Variants in NR6A1 observed in about 807,000 individuals in gnomAD.
NR6A1 encodes the protein retinoic acid receptor-related testis-associated receptor.
NR6A1 carries 7 observed loss-of-function variants against 59.1 expected under a neutral mutation model. That is an observed-to-expected ratio of 0.12 (90% CI 0.07 to 0.22). The LOEUF (loss-of-function observed/expected upper bound fraction) is 0.22, where lower values mean the gene tolerates loss of function less well. Among genes scored for constraint, NR6A1 ranks in the 10% least tolerant of loss-of-function variants. The pLI is 1.00. For synonymous variants in NR6A1, 243 were observed against 236.1 expected (o/e 1.03, Z -0.27); for missense variants, 468 against 611.6 (o/e 0.77, Z 2.48).
chr9:124,693,114 T>C (rs1384253433), intron 2 of NR6A1, among the ~76,000 whole-genome samples: 1 of 152,176 alleles, frequency 6.6e-6, no homozygotes, highest in East Asian at 1.9e-4. Flanking sequence ...GTTTGCTAAA[T>C]TCAAGCAAAA....
intron 2 of NR6A1, among the ~76,000 whole-genome samples, chr9:124,649,957 G>C (rs1837049822): frequency 6.6e-6 from 1 of 152,160 alleles, no homozygotes; most frequent in Admixed American, 6.5e-5. Context: ...TGAGGATGCA[G>C]AGAAAAGGGG....
chr9:124,616,148 A>G (rs1159176047), intron 2 of NR6A1, among the ~76,000 whole-genome samples: 2 of 151,996 alleles, frequency 1.3e-5, no homozygotes. Flanking sequence ...CTGTAATCCC[A>G]GCACTTTGGG....
chr9:124,750,561 C>G (rs978966495), intron 1 of NR6A1, among the ~76,000 whole-genome samples: 2 of 152,104 alleles, frequency 1.3e-5, no homozygotes, highest in African/African-American at 2.4e-5. Flanking sequence ...GAGAACGAGA[C>G]CAGCCTGGCC....
In NR6A1 at chr9:124,520,150, T is replaced by C. The variant is rs1029132056; in HGVS notation, c.*2555A>G. On this transcript the variant is annotated 3_prime_UTR_variant, in exon 10 of 10. Transcript: ENST00000487099. ...CAAATTCACAAATACATCTAGTGGC[T>C]GACCTAATGTCTCCACGCTGCTAGC... is the stretch of plus-strand genomic sequence containing the variant. The C allele has an allele frequency of 6.6e-6, 1 of 152,156 alleles. No homozygotes were observed. Among genetic ancestry groups the C allele is most frequent in the Non-Finnish European group, 1.5e-5 (1 of 68,038 alleles). The allele number at this position is 152,156 out of a possible 1,614,324, so 9.4% of individuals were successfully genotyped here.
chr9:124,729,279 T>C (rs2131118024), intron 2 of NR6A1, among the ~76,000 whole-genome samples: 1 of 152,356 alleles, frequency 6.6e-6, no homozygotes, highest in East Asian at 1.9e-4. Context: ...AGTTTGGCTA[T>C]GAGAACTTTT....
chr9:124,721,241 A>G (rs968796068), intron 2 of NR6A1, among the ~76,000 whole-genome samples: 2 of 152,216 alleles, frequency 1.3e-5, no homozygotes, highest in East Asian at 3.8e-4. Flanking sequence ...AACTGTAAAC[A>G]AGTGCTAAAC....
At chr9:124,718,439 T>A (rs1291815629) in intron 2 of NR6A1, among the ~76,000 whole-genome samples, 2 of 152,204 alleles carry the variant, frequency 1.3e-5, no homozygotes, top group Admixed American at 6.5e-5. Flanking sequence ...ACTTGAGGAC[T>A]CTGATTCCCC....
chr9:124,558,537 A>G (rs746497778), intron 2 of NR6A1, among the ~76,000 whole-genome samples: 1 of 152,062 alleles, frequency 6.6e-6, no homozygotes, highest in Non-Finnish European at 1.5e-5. Flanking sequence ...TAACAACAGA[A>G]TCAGCTATTG....
At chr9:124,699,552 T>C (rs1008826200) in intron 2 of NR6A1, among the ~76,000 whole-genome samples, 1 of 152,218 alleles carries the variant, frequency 6.6e-6, no homozygotes, top group South Asian at 2.1e-4. Flanking sequence ...ATCTGATCAA[T>C]GAACTTAAAT....
At chr9:124,561,262 C>G (rs1017197994) in intron 2 of NR6A1, among the ~76,000 whole-genome samples, 2 of 152,060 alleles carry the variant, frequency 1.3e-5, no homozygotes, top group African/African-American at 4.8e-5. Flanking sequence ...CTGGCAAAAC[C>G]CTGTCTCTAC....
At chr9:124,565,267 C>G (rs1361452705) in intron 2 of NR6A1, among the ~76,000 whole-genome samples, 1 of 151,618 alleles carries the variant, frequency 6.6e-6, no homozygotes, top group Non-Finnish European at 1.5e-5. Flanking sequence ...TCTCTACTAA[C>G]AATACAAAAA....
Position 124,642,993 on chromosome 9 carries a change from AAAG to A in NR6A1, c.143-88426_143-88424del, listed in dbSNP as rs1410300408. On this transcript the variant is annotated intron_variant, in intron 2 of 9. Transcript: ENST00000487099. Reference sequence around the variant, plus strand: ...AGAAAGAACGATTGGTGTAGGTCTCAAAGGCCAAAATCATTCTTCATGTCTCTT... The same window carrying A: ...AGAAAGAACGATTGGTGTAGGTCTCAGCCAAAATCATTCTTCATGTCTCTT... 4.5e-5 allele frequency among the ~76,000 whole-genome samples: 6 copies of A among 133,066 alleles called. No homozygotes were observed. The South Asian group carries it at 1.4e-3, about 32-fold the overall frequency. 87.3% of individuals were successfully genotyped at this position (133,066 alleles called of 152,430 possible).
chr9:124,557,346 G>A (rs1010525454), intron 2 of NR6A1, among the ~76,000 whole-genome samples: 4 of 152,056 alleles, frequency 2.6e-5, no homozygotes, highest in Non-Finnish European at 5.9e-5. Flanking sequence ...TGTTGGCCAG[G>A]CTGGTCTTGA....
At chr9:124,743,888 G>A (rs914603437) in intron 1 of NR6A1, among the ~76,000 whole-genome samples, 1 of 152,118 alleles carries the variant, frequency 6.6e-6, no homozygotes. Context: ...GTTCTCTGGA[G>A]GAACAAAAGG....
At chr9:124,652,755 C>T (rs1837142763) in intron 2 of NR6A1, among the ~76,000 whole-genome samples, 2 of 152,272 alleles carry the variant, frequency 1.3e-5, no homozygotes, top group African/African-American at 2.4e-5. Flanking sequence ...AGGCCACACA[C>T]TCACGCAGAA....
intron 2 of NR6A1, among the ~76,000 whole-genome samples, chr9:124,648,663 G>C (rs964895840): frequency 3.3e-5 from 5 of 151,180 alleles, no homozygotes; most frequent in Non-Finnish European, 7.4e-5. Flanking sequence ...AACTGTCCTT[G>C]TTTGCAGACA....
chr9:124,574,225 GA>G (rs1834527005), intron 2 of NR6A1, among the ~76,000 whole-genome samples: 1 of 152,186 alleles, frequency 6.6e-6, no homozygotes, highest in African/African-American at 2.4e-5. Context: ...ATGTATGAAT[GA>G]ATGAATGGCA....
At chr9:124,566,753 A>C (rs759280520) in intron 2 of NR6A1, among the ~76,000 whole-genome samples, 3 of 152,228 alleles carry the variant, frequency 2.0e-5, no homozygotes, top group Admixed American at 6.5e-5. Flanking sequence ...GAAATGAGGC[A>C]ACACTAACAG....
At chr9:124,587,778 T>C (rs542838410) in intron 2 of NR6A1, among the ~76,000 whole-genome samples, 1 of 152,344 alleles carries the variant, frequency 6.6e-6, no homozygotes, top group East Asian at 1.9e-4. Context: ...ACAATGCGAA[T>C]GAGCACTCTT....
Sources: allele counts gnomAD v4.1 joint callset (sites outside exome capture counted in the v4.1 genomes callset), GRCh38; gene constraint gnomAD v4.1.1; transcripts MANE v1.5; gene names NCBI Gene and HGNC (gene_info 2026-07-23, HGNC 2026-07-21).